DLGAP2: variants seen among roughly 807,000 people sequenced by gnomAD.
The protein encoded by DLGAP2 is disks large-associated protein 2.
In DLGAP2, 26 loss-of-function variants were observed where a neutral mutation model predicts 100.3. That is an observed-to-expected ratio of 0.26 (90% CI 0.19 to 0.36). DLGAP2 has a LOEUF of 0.36. Among genes scored for constraint, DLGAP2 ranks in the 10% least tolerant of loss-of-function variants. DLGAP2 has a pLI of 1.00. For synonymous variants in DLGAP2, 886 were observed against 630.1 expected, an observed-to-expected ratio of 1.41 and a Z score of -6.08; for missense variants, 1,858 against 1,453.2, an observed-to-expected ratio of 1.28 and a Z score of -4.53.
At chr8:1,618,079 A>C (rs1208569105) in intron 6 of DLGAP2, among the ~76,000 whole-genome samples, 1 of 152,208 alleles carries the variant, frequency 6.6e-6, no homozygotes, top group Non-Finnish European at 1.5e-5. Context: ...CCTCTACTTA[A>C]CATTCTAATG....
At chr8:1,492,135 G>A (rs1198840446) in intron 3 of DLGAP2, among the ~76,000 whole-genome samples, 1 of 152,194 alleles carries the variant, frequency 6.6e-6, no homozygotes, top group East Asian at 1.9e-4. Context: ...GACTTTAGGG[G>A]CAGCTTCTGT....
intron 3 of DLGAP2, among the ~76,000 whole-genome samples, chr8:1,321,165 G>C (rs1393827676): frequency 6.6e-6 from 1 of 152,002 alleles, no homozygotes; most frequent in Non-Finnish European, 1.5e-5. Flanking sequence ...GTGCCCGTAT[G>C]TGTCTGCGTC....
At chr8:1,624,803 G>C (rs1223679750) in intron 6 of DLGAP2, among the ~76,000 whole-genome samples, 1 of 151,582 alleles carries the variant, frequency 6.6e-6, no homozygotes, top group East Asian at 1.9e-4. Context: ...TTCATACCCA[G>C]TAAAATTAGA....
intron 4 of DLGAP2, among the ~76,000 whole-genome samples, chr8:1,525,290 T>A (rs1226851839): frequency 2.0e-5 from 3 of 151,910 alleles, no homozygotes; most frequent in Admixed American, 6.6e-5. Context: ...ACCAGGCTTC[T>A]GACAAGTTAC....
intron 1 of DLGAP2, among the ~76,000 whole-genome samples, chr8:808,849 A>G (rs1320185309): frequency 2.7e-5 from 4 of 150,728 alleles, no homozygotes; most frequent in Non-Finnish European, 4.4e-5. Context: ...TAACCCTTAT[A>G]TGTGACCCTT....
intron 2 of DLGAP2, among the ~76,000 whole-genome samples, chr8:1,234,283 C>T (rs957295699): frequency 2.0e-5 from 3 of 152,154 alleles, no homozygotes; most frequent in African/African-American, 7.2e-5. Flanking sequence ...GCTCTGGAGG[C>T]CACGGGTCTG....
intron 3 of DLGAP2, among the ~76,000 whole-genome samples, chr8:1,440,312 T>A (rs1391988202): frequency 6.6e-6 from 1 of 152,222 alleles, no homozygotes; most frequent in Non-Finnish European, 1.5e-5. Flanking sequence ...GAATTTAACA[T>A]TAAAATGGAC....
intron 2 of DLGAP2, among the ~76,000 whole-genome samples, chr8:1,249,205 C>G (rs1268009596): frequency 6.6e-6 from 1 of 152,126 alleles, no homozygotes; most frequent in East Asian, 1.9e-4. Context: ...AAGAACTCCA[C>G]AGGCTCAGAA....
intron 1 of DLGAP2, among the ~76,000 whole-genome samples, chr8:738,273 G>C (rs923635242): frequency 2.0e-5 from 3 of 151,698 alleles, no homozygotes; most frequent in Non-Finnish European, 4.4e-5. Context: ...CCAAGCCCGG[G>C]TGGAAACGCC....
At chr8:1,410,535 G>A (rs1453137875) in intron 3 of DLGAP2, among the ~76,000 whole-genome samples, 1 of 152,220 alleles carries the variant, frequency 6.6e-6, no homozygotes, top group Non-Finnish European at 1.5e-5. Flanking sequence ...GCAGGCTACT[G>A]CATTTCCGCA....
chr8:819,074 G>T (rs752836541), intron 1 of DLGAP2, among the ~76,000 whole-genome samples: 1 of 152,176 alleles, frequency 6.6e-6, no homozygotes, highest in African/African-American at 2.4e-5. Context: ...TTTAATGACT[G>T]AATCCAGAAT....
intron 2 of DLGAP2, among the ~76,000 whole-genome samples, chr8:1,250,957 C>T (rs1799026059): frequency 6.6e-6 from 1 of 152,116 alleles, no homozygotes; most frequent in South Asian, 2.1e-4. Flanking sequence ...GTTGTGTGAC[C>T]TCGGTACGTG....
In DLGAP2 at chr8:1,344,453, G is replaced by T. The variant is rs1013548649; in HGVS notation, c.106+85570G>T. Among the ~76,000 whole-genome samples the T allele has an allele frequency of 3.3e-5, 5 of 152,162 alleles. No individual in the cohort carries two copies. The South Asian group carries it at 6.2e-4, about 19-fold the overall frequency. ...AGGTGGCCATGTGGGTAAAAGTCGG[G>T]ACTCAGACTCACCTGTTTGACATTA... On this transcript the variant is annotated intron_variant, in intron 3 of 14. Coordinates refer to ENST00000637795, the MANE Select transcript of DLGAP2 (RefSeq NM_001346810.2).
chr8:993,533 C>G (rs917668845), intron 2 of DLGAP2, among the ~76,000 whole-genome samples: 1 of 151,580 alleles, frequency 6.6e-6, no homozygotes, highest in Non-Finnish European at 1.5e-5. Context: ...TCCTGTTCTT[C>G]TCTCCCATCT....
chr8:1,351,471 G>A (rs1585289007), intron 3 of DLGAP2, among the ~76,000 whole-genome samples: 1 of 49,332 alleles, frequency 2.0e-5, no homozygotes. Context: ...TGGAAAGGCC[G>A]TGCGGGTCCT....
Position 1,706,178 on chromosome 8 carries a change from G to C in DLGAP2, c.*4772G>C, listed in dbSNP as rs1313958135. 6.6e-6 allele frequency: 1 copy of C among 152,224 alleles called. No individual in the cohort carries two copies. Among genetic ancestry groups the C allele is most frequent in the Non-Finnish European group, 1.5e-5 (1 of 68,044 alleles). 9.4% of individuals were successfully genotyped at this position (152,224 alleles called of 1,614,324 possible). A position where few individuals can be genotyped will look rare whatever the true frequency, so the allele number is the denominator to read the frequency against. ...GCAGCAGAATGTTCTGGAAATGAAGGAGATATTGCTAGGAATCTCTAGGCT... is the reference window on the plus strand; with the variant it reads ...GCAGCAGAATGTTCTGGAAATGAAGCAGATATTGCTAGGAATCTCTAGGCT... On this transcript the variant is annotated 3_prime_UTR_variant, in exon 15 of 15. Transcript: ENST00000637795.
At chr8:1,567,343 G>A (rs1802443219) in intron 6 of DLGAP2, among the ~76,000 whole-genome samples, 1 of 152,230 alleles carries the variant, frequency 6.6e-6, no homozygotes, top group African/African-American at 2.4e-5. Flanking sequence ...TATGCTTCGT[G>A]GGTCCAGGGC....
rs372999593 is a variant in DLGAP2, at chr8:1,325,825, G to GT, written c.106+66949dup. Among the ~76,000 whole-genome samples the GT allele has an allele frequency of 8.1e-3, 1,231 of 152,180 alleles. 12 individuals carry two copies. Among genetic ancestry groups the GT allele is most frequent in the African/African-American group, 0.028 (1,164 of 41,522 alleles). ...AGTTGTCGTCAGCTCCTTTTGGATCGTTTTTTTGCAAGGACCGTCCATGGA... is the reference window on the plus strand; with the variant it reads ...AGTTGTCGTCAGCTCCTTTTGGATCGTTTTTTTTGCAAGGACCGTCCATGGA... On this transcript the variant is annotated intron_variant, in intron 3 of 14. Transcript: ENST00000637795.
Position 995,861 on chromosome 8 carries a change from G to T in DLGAP2, c.73+87895G>T, listed in dbSNP as rs543046185. 4.6e-5 allele frequency among the ~76,000 whole-genome samples: 7 copies of T among 152,330 alleles called. No homozygotes were observed. The East Asian group carries it at 1.4e-3, about 29-fold the overall frequency. On this transcript the variant is annotated intron_variant, in intron 2 of 14. Coordinates refer to ENST00000637795, the MANE Select transcript of DLGAP2 (RefSeq NM_001346810.2). ...AGTGAGACGTGTCTCTCCATGGAGG[G>T]TTAAGCTTATGGCTTCACAGGTGGG... is the stretch of plus-strand genomic sequence containing the variant.
Sources: gnomAD v4.1 joint callset for allele counts (sites outside exome capture counted in the v4.1 genomes callset) on GRCh38, gnomAD v4.1.1 for gene constraint, MANE v1.5 for transcripts, NCBI Gene and HGNC (gene_info 2026-07-23, HGNC 2026-07-21) for gene names.